PCSK2: variants seen among roughly 807,000 people sequenced by gnomAD.
PCSK2 encodes neuroendocrine convertase 2.
PCSK2 carries 14 observed loss-of-function variants against 69.7 expected under a neutral mutation model. That is an observed-to-expected ratio of 0.20 (90% CI 0.13 to 0.31). The LOEUF (loss-of-function observed/expected upper bound fraction) is 0.31, where lower values mean the gene tolerates loss of function less well. Among genes scored for constraint, PCSK2 ranks in the 10% least tolerant of loss-of-function variants. The pLI is 1.00. For missense variants in PCSK2, 544 were observed against 842.5 expected (o/e 0.65, Z 4.39); for synonymous variants, 307 against 320.7 (o/e 0.96, Z 0.46).
intron 8 of PCSK2, among the ~76,000 whole-genome samples, chr20:17,442,784 G>T (rs546726963): frequency 1.3e-5 from 2 of 152,194 alleles, no homozygotes; most frequent in South Asian, 4.1e-4. Flanking sequence ...GCCCTTTTAC[G>T]CCCCCTTCAG....
intron 2 of PCSK2, among the ~76,000 whole-genome samples, chr20:17,287,009 C>T (rs1425847011): frequency 6.6e-6 from 1 of 152,182 alleles, no homozygotes; most frequent in Non-Finnish European, 1.5e-5. Flanking sequence ...TGCTGCAGCT[C>T]GAGTCCATGG....
At chr20:17,315,312 G>GAA (rs200172322) in intron 2 of PCSK2, among the ~76,000 whole-genome samples, 119 of 146,474 alleles carry the variant, frequency 8.1e-4, no homozygotes, top group Non-Finnish European at 2.6e-4. Context: ...TAAAGAGGAG[G>GAA]AAAAAAAAAA....
At chr20:17,457,254 G>A (rs1396143396) in intron 10 of PCSK2, among the ~76,000 whole-genome samples, 2 of 152,202 alleles carry the variant, frequency 1.3e-5, no homozygotes, top group African/African-American at 4.8e-5. Flanking sequence ...AGCAACTTGT[G>A]AGAAGTTGGA....
intron 2 of PCSK2, among the ~76,000 whole-genome samples, chr20:17,356,090 CATAT>C (rs2030187902): frequency 6.6e-6 from 1 of 151,998 alleles, no homozygotes; most frequent in Non-Finnish European, 1.5e-5. Context: ...ATGACACACA[CATAT>C]ATACACACAT....
At chr20:17,268,648 GA>G (rs1160818330) in intron 2 of PCSK2, among the ~76,000 whole-genome samples, 2 of 152,074 alleles carry the variant, frequency 1.3e-5, no homozygotes, top group African/African-American at 2.4e-5. Context: ...GGTTAGAGAG[GA>G]AAAATAAAGC....
chr20:17,380,050 C>T (rs1404045926), intron 5 of PCSK2, among the ~76,000 whole-genome samples: 1 of 152,160 alleles, frequency 6.6e-6, no homozygotes, highest in Non-Finnish European at 1.5e-5. Context: ...AAAGAGGACC[C>T]CAAGCCCTAG....
chr20:17,459,074 C>T (rs1278744484), intron 10 of PCSK2, among the ~76,000 whole-genome samples: 1 of 152,086 alleles, frequency 6.6e-6, no homozygotes, highest in Non-Finnish European at 1.5e-5. Context: ...AACAACATTT[C>T]CAAAACTGAC....
chr20:17,375,238 C>A lies in PCSK2; in HGVS notation c.543+5961C>A, dbSNP rs150777871. ...AGGGGTGTGCCTCAAGAAACCAGTGCAGTTGTTCATTGGACCTCCCAGTGA... is the reference window on the plus strand; with the variant it reads ...AGGGGTGTGCCTCAAGAAACCAGTGAAGTTGTTCATTGGACCTCCCAGTGA... On this transcript the variant is annotated intron_variant, in intron 5 of 11. Coordinates refer to ENST00000262545, the MANE Select transcript of PCSK2 (RefSeq NM_002594.5). 9.3e-3 allele frequency among the ~76,000 whole-genome samples: 1,410 copies of A among 152,120 alleles called. 13 individuals carry two copies. The highest frequency in any genetic ancestry group is 0.027 in the Middle Eastern group (8 of 294).
chr20:17,458,736 A>T, intron 10 of PCSK2, among the ~76,000 whole-genome samples: 1 of 152,212 alleles, frequency 6.6e-6, no homozygotes, highest in East Asian at 1.9e-4. Context: ...TGTAGGGGAG[A>T]AAAAGAAAAC....
At chr20:17,268,033 G>GTGTATATA (rs1555783164) in intron 2 of PCSK2, among the ~76,000 whole-genome samples, 1 of 66,340 alleles carries the variant, frequency 1.5e-5, no homozygotes, top group East Asian at 4.4e-4. Flanking sequence ...TATCCAATGT[G>GTGTATATA]TATATATATA....
At chr20:17,330,048 G>A (rs1241302634) in intron 2 of PCSK2, among the ~76,000 whole-genome samples, 1 of 152,156 alleles carries the variant, frequency 6.6e-6, no homozygotes, top group Non-Finnish European at 1.5e-5. Flanking sequence ...ATATATTTAT[G>A]TAACATAGTA....
At chr20:17,321,354 ATGT>A (rs1288124444) in intron 2 of PCSK2, among the ~76,000 whole-genome samples, 1 of 152,148 alleles carries the variant, frequency 6.6e-6, no homozygotes, top group East Asian at 1.9e-4. Context: ...AGGCACACAA[ATGT>A]TGTCCTCCTT....
At chr20:17,366,946 A>G (rs1177502260) in intron 4 of PCSK2, among the ~76,000 whole-genome samples, 1 of 152,162 alleles carries the variant, frequency 6.6e-6, no homozygotes, top group African/African-American at 2.4e-5. Flanking sequence ...TTCCATTCTC[A>G]GAACATGAAG....
intron 4 of PCSK2, among the ~76,000 whole-genome samples, chr20:17,367,285 A>C (rs78915468): frequency 0.032 from 4,798 of 152,270 alleles, 268 homozygotes; most frequent in African/African-American, 0.11. Context: ...ACTACTCCAG[A>C]GATGTGGTAG....
At chr20:17,478,861 A>AT (rs2033338790) in intron 11 of PCSK2, among the ~76,000 whole-genome samples, 1 of 152,138 alleles carries the variant, frequency 6.6e-6, no homozygotes, top group Non-Finnish European at 1.5e-5. Context: ...TTCTGCATTT[A>AT]TTTTTTGCTA....
intron 7 of PCSK2, among the ~76,000 whole-genome samples, chr20:17,430,312 C>A (rs2032338084): frequency 6.6e-6 from 1 of 152,142 alleles, no homozygotes; most frequent in Non-Finnish European, 1.5e-5. Context: ...AGTCTTTTTC[C>A]AAGTTTTGCA....
intron 2 of PCSK2, among the ~76,000 whole-genome samples, chr20:17,326,696 G>C (rs780609816): frequency 6.6e-6 from 1 of 152,214 alleles, no homozygotes; most frequent in Non-Finnish European, 1.5e-5. Flanking sequence ...AAGAATTATT[G>C]CTTGTCTAGA....
chr20:17,297,149 G>T (rs1988921611), intron 2 of PCSK2, among the ~76,000 whole-genome samples: 1 of 152,212 alleles, frequency 6.6e-6, no homozygotes, highest in South Asian at 2.1e-4. Flanking sequence ...CAAGTTCAAA[G>T]TCAAAAAAGG....
At chr20:17,365,406 G>C (rs1283847164) in intron 4 of PCSK2, among the ~76,000 whole-genome samples, 1 of 151,990 alleles carries the variant, frequency 6.6e-6, no homozygotes, top group African/African-American at 2.4e-5. Context: ...ATTTTAGAGG[G>C]ACACAAACAC....
Sources: allele counts gnomAD v4.1 joint callset (sites outside exome capture counted in the v4.1 genomes callset), GRCh38; gene constraint gnomAD v4.1.1; transcripts MANE v1.5; gene names NCBI Gene and HGNC (gene_info 2026-07-23, HGNC 2026-07-21).